Variants in CDX1 observed in about 807,000 individuals in gnomAD.
CDX1 encodes the protein homeobox protein CDX-1.
Under a neutral mutation model 16.9 loss-of-function variants are expected in CDX1, and 9 were observed. The observed-to-expected ratio is 0.53, with a 90% CI of 0.32 to 0.93. The LOEUF is 0.93. CDX1 is among the 40% of genes least tolerant of loss of function. CDX1 has a pLI of 0.04. For synonymous variants in CDX1, 179 were observed against 179.0 expected, an observed-to-expected ratio of 1.00 and a Z score of 0.00; for missense variants, 393 against 386.1, an observed-to-expected ratio of 1.02 and a Z score of -0.15.
At chr5:150,171,242 C>G (rs909559318) in intron 1 of CDX1, among the ~76,000 whole-genome samples, 4 of 152,244 alleles carry the variant, frequency 2.6e-5, no homozygotes, top group African/African-American at 9.6e-5. Context: ...CTTCTAAAAC[C>G]ATTGCCATAT....
Position 150,167,453 on chromosome 5 carries a change from C to A in CDX1, c.445+132C>A, listed in dbSNP as rs544268217. ...AGTGTGGCCCTCCTGTCCACTCTCG[C>A]CCTGGGGGGCTGCTCTTTGGCTCCC... On this transcript the variant is annotated intron_variant, in intron 1 of 2. Coordinates refer to ENST00000231656, the MANE Select transcript of CDX1 (RefSeq NM_001804.3). 8.2e-4 allele frequency: 422 copies of A among 515,498 alleles called. 1 individual carries two copies. The highest frequency in any genetic ancestry group is 7.4e-3 in the African/African-American group (372 of 50,404). The allele number at this position is 515,498 out of a possible 1,614,324, so 31.9% of individuals were successfully genotyped here.
At position 150,182,866 on chromosome 5, in the gene CDX1, C is replaced by T. The variant is rs146129317; in HGVS notation, c.544C>T (p.Arg182Trp). 479 of 1,613,092 alleles carry T rather than the reference C, an allele frequency of 3.0e-4. 1 individual carries two copies. In the African/African-American group the frequency reaches 5.6e-3, roughly 19 times the overall value. ...EFHYSRYITIRRKSELAANLG... is the reference protein window; with the variant it reads ...EFHYSRYITIWRKSELAANLG... Reference sequence around the variant, plus strand: ...TCATTACAGCCGTTACATCACAATCCGGCGGAAATCAGAGCTGGCTGCCAA... The same window carrying T: ...TCATTACAGCCGTTACATCACAATCTGGCGGAAATCAGAGCTGGCTGCCAA... Residue 182 changes from arginine (R) to tryptophan (W), a missense_variant, in exon 2 of 3, where the codon CGG (arginine) becomes TGG (tryptophan). Transcript: ENST00000231656.
intron 1 of CDX1, among the ~76,000 whole-genome samples, chr5:150,180,739 C>A (rs1761630379): frequency 6.6e-6 from 1 of 152,114 alleles, no homozygotes; most frequent in Non-Finnish European, 1.5e-5. Context: ...ACGTGCTCAG[C>A]TTCTTATAAA....
At chr5:150,182,287 G>A (rs1377580909) in intron 1 of CDX1, among the ~76,000 whole-genome samples, 2 of 152,224 alleles carry the variant, frequency 1.3e-5, no homozygotes, top group Non-Finnish European at 2.9e-5. Flanking sequence ...TGACCACAGA[G>A]TGGAGAGTTT....
chr5:150,183,214 A>G (rs1752492110), intron 2 of CDX1, among the ~76,000 whole-genome samples: 1 of 152,164 alleles, frequency 6.6e-6, no homozygotes, highest in Admixed American at 6.5e-5. Context: ...AGGGATAACA[A>G]GGAAGGCTTC....
chr5:150,174,656 A>C (rs979896320), intron 1 of CDX1, among the ~76,000 whole-genome samples: 1 of 152,216 alleles, frequency 6.6e-6, no homozygotes, highest in Non-Finnish European at 1.5e-5. Flanking sequence ...TATTTTATTT[A>C]ATTAATGTGG....
At chr5:150,182,164 T>A (rs1752455820) in intron 1 of CDX1, among the ~76,000 whole-genome samples, 1 of 152,196 alleles carries the variant, frequency 6.6e-6, no homozygotes, top group Non-Finnish European at 1.5e-5. Flanking sequence ...GGCTCTTCCC[T>A]TCTCTCTTCT....
Position 150,182,912 on chromosome 5 carries a change from A to G in CDX1, c.590A>G (p.Gln197Arg). The stretch of plus-strand genomic sequence containing the variant: ...GCCAATCTGGGGCTCACTGAACGGC[A>G]GGTGTGTCTGTCTTCCTATCTCAGC... Reference protein sequence around the residue: ...LAANLGLTERQVKIWFQNRRA... With the variant: ...LAANLGLTERRVKIWFQNRRA... Residue 197 changes from glutamine to arginine, a missense_variant and splice_region_variant, in exon 2 of 3, where the codon CAG becomes CGG. Coordinates refer to ENST00000231656, the MANE Select transcript of CDX1 (RefSeq NM_001804.3). 1 of 1,604,378 alleles carries G rather than the reference A, an allele frequency of 6.2e-7. No individual in the cohort carries two copies. The highest frequency in any genetic ancestry group is 1.1e-5 in the South Asian group (1 of 88,880).
chr5:150,173,824 G>T (rs1047240272), intron 1 of CDX1, among the ~76,000 whole-genome samples: 1 of 152,234 alleles, frequency 6.6e-6, no homozygotes, highest in South Asian at 2.1e-4. Flanking sequence ...ACAGAAGGCT[G>T]TGCTTTGGAG....
intron 1 of CDX1, among the ~76,000 whole-genome samples, chr5:150,180,249 A>G (rs749832852): frequency 6.6e-6 from 1 of 152,210 alleles, no homozygotes; most frequent in African/African-American, 2.4e-5. Flanking sequence ...GAGGGGCCCA[A>G]TCTGGAGCCA....
rs1752504354 is a variant in CDX1 at position 150,183,763 on chromosome 5, CGAG to C, written c.*84_*86del. On this transcript the variant is annotated 3_prime_UTR_variant, in exon 3 of 3. Coordinates refer to ENST00000231656, the MANE Select transcript of CDX1 (RefSeq NM_001804.3). ...TCCTGTGGGCCCAGGAGGTCTGGTC[CGAG>C]TCTCAGCCCTGACCTTCTGGGACAT... 2.6e-6 allele frequency: 3 copies of C among 1,157,630 alleles called. No individual in the cohort carries two copies. In the East Asian group the frequency reaches 7.9e-5, roughly 30 times the overall value. 71.7% of individuals were successfully genotyped at this position (1,157,630 alleles called of 1,614,324 possible).
intron 1 of CDX1, among the ~76,000 whole-genome samples, chr5:150,171,496 C>T (rs1230714096): frequency 2.6e-5 from 4 of 152,286 alleles, no homozygotes; most frequent in East Asian, 1.9e-4. Flanking sequence ...CTGTCATGCC[C>T]GGCTAATTTT....
chr5:150,178,760 T>A (rs1484018197), intron 1 of CDX1, among the ~76,000 whole-genome samples: 1 of 152,226 alleles, frequency 6.6e-6, no homozygotes, highest in Non-Finnish European at 1.5e-5. Context: ...TCTTGTATAT[T>A]CTTTCAGAAA....
chr5:150,168,483 C>A (rs1761462772), intron 1 of CDX1, among the ~76,000 whole-genome samples: 1 of 152,242 alleles, frequency 6.6e-6, no homozygotes, highest in Non-Finnish European at 1.5e-5. Flanking sequence ...CCACTTGCTT[C>A]TGTGGCCTTG....
chr5:150,166,884 T>G lies in CDX1; in HGVS notation c.8T>G (p.Val3Gly). The G allele has an allele frequency of 6.6e-7, 1 of 1,505,918 alleles. No individual in the cohort carries two copies. Among genetic ancestry groups the G allele is most frequent in the Non-Finnish European group, 8.8e-7 (1 of 1,132,868 alleles). The allele number at this position is 1,505,918 out of a possible 1,614,324, so 93.3% of individuals were successfully genotyped here. A position where few individuals can be genotyped will look rare whatever the true frequency, so the allele number is the denominator to read the frequency against. The change falls in exon 1 of 3, where the codon GTG becomes GGG. Residue 3 changes from valine to glycine, a missense_variant. Coordinates refer to ENST00000231656, the MANE Select transcript of CDX1 (RefSeq NM_001804.3). MY[V>G]GYVLDKDSPV... ...GGGGACCCCGCGGCCACCATGTATGTGGGCTATGTGCTGGACAAGGATTCG... is the reference window on the plus strand; with the variant it reads ...GGGGACCCCGCGGCCACCATGTATGGGGGCTATGTGCTGGACAAGGATTCG...
chr5:150,182,264 C>A (rs2113954933), intron 1 of CDX1, among the ~76,000 whole-genome samples: 1 of 152,346 alleles, frequency 6.6e-6, no homozygotes. Context: ...AGCATTCAAA[C>A]CTATCTGATA....
At chr5:150,177,064 C>T (rs893441120) in intron 1 of CDX1, among the ~76,000 whole-genome samples, 1 of 152,228 alleles carries the variant, frequency 6.6e-6, no homozygotes, top group African/African-American at 2.4e-5. Context: ...AAGTGCTGAC[C>T]TAGGGGCCAT....
rs752336182 is a variant in CDX1 at position 150,166,952 on chromosome 5, G to A, written c.76G>A (p.Gly26Ser). 2 of 1,496,200 alleles carry A rather than the reference G, an allele frequency of 1.3e-6. No homozygotes were observed. Among genetic ancestry groups the A allele is most frequent in the South Asian group, 2.6e-5 (2 of 77,574 alleles). The allele number at this position is 1,496,200 out of a possible 1,614,324, so 92.7% of individuals were successfully genotyped here. A position where few individuals can be genotyped will look rare whatever the true frequency, so the allele number is the denominator to read the frequency against. Residue 26 changes from glycine to serine, a missense_variant, in exon 1 of 3, where the codon GGC becomes AGC. By Grantham distance (56) the Gly-to-Ser change is moderately conservative (BLOSUM62 0). Coordinates refer to ENST00000231656, the MANE Select transcript of CDX1 (RefSeq NM_001804.3). ...AGCCAGGCCAGCCAGCCTCGGCCTG[G>A]GCCCGCAAGCCTACGGCCCCCCGGC... Reference protein sequence around the residue: ...GPARPASLGLGPQAYGPPAPP... With the variant: ...GPARPASLGLSPQAYGPPAPP...
rs990584503 is a variant in CDX1, at chr5:150,184,516, T to C, written c.*836T>C. On this transcript the variant is annotated 3_prime_UTR_variant, in exon 3 of 3. Transcript: ENST00000231656. ...TCTTTTCAAAAATGTATAAAAATCA[T>C]TATACATAGCATTAAAGAAACATTT... The C allele has an allele frequency of 1.3e-5, 2 of 152,240 alleles. No homozygotes were observed. Among genetic ancestry groups the C allele is most frequent in the African/African-American group, 4.8e-5 (2 of 41,462 alleles). The allele number at this position is 152,240 out of a possible 1,614,324, so 9.4% of individuals were successfully genotyped here.
Sources: allele counts gnomAD v4.1 joint callset (sites outside exome capture counted in the v4.1 genomes callset), GRCh38; gene constraint gnomAD v4.1.1; transcripts MANE v1.5; gene names NCBI Gene and HGNC (gene_info 2026-07-23, HGNC 2026-07-21).